The following SAXO3 variants were observed in gnomAD, a reference collection of about 807,000 sequenced individuals.
SAXO3 encodes stabilizer of axonemal microtubules 3, also known as CTB-60B18.10.
chr19:49,018,460 G>T, the SAXO3 span: 1 of 574,076 alleles, frequency 1.7e-6, no homozygotes, highest in East Asian at 3.5e-5. Context: ...GCACCCCTTA[G>T]GAAGGACGCG....
chr19:49,018,572 T>C, the SAXO3 span, among the ~76,000 whole-genome samples: 1 of 152,044 alleles, frequency 6.6e-6, no homozygotes, highest in Non-Finnish European at 1.5e-5. Context: ...TTTCGCTTCC[T>C]TGGGAAGGAG....
chr19:49,019,624 G>C, the SAXO3 span: 2 of 1,250,846 alleles, frequency 1.6e-6, no homozygotes, highest in East Asian at 3.1e-5. Flanking sequence ...CCGTCTCGCC[G>C]GCGCCGGCTT....
chr19:49,019,337 T>C, the SAXO3 span: 1 of 1,184,008 alleles, frequency 8.4e-7, no homozygotes, highest in South Asian at 3.6e-5. Flanking sequence ...GGAGCTGAGC[T>C]GCATCTTGGG....
chr19:49,019,627 G>A, the SAXO3 span: 3 of 1,250,148 alleles, frequency 2.4e-6, no homozygotes, highest in South Asian at 2.7e-5. Context: ...TCTCGCCGGC[G>A]CCGGCTTCCA....
chr19:49,019,050 C>G, the SAXO3 span: 20 of 1,484,762 alleles, frequency 1.3e-5, no homozygotes, highest in African/African-American at 2.8e-5. Context: ...ATTTCATACC[C>G]CATCCCAAGC....
At chr19:49,020,323 T>C in the SAXO3 span, 10 of 417,562 alleles carry the variant, frequency 2.4e-5, no homozygotes, top group Admixed American at 3.8e-4. Context: ...ATTTAGCCCC[T>C]ATCTTTCTGG....
the SAXO3 span, chr19:49,019,373 A>T: frequency 8.1e-7 from 1 of 1,232,690 alleles, no homozygotes; most frequent in Non-Finnish European, 1.0e-6. Flanking sequence ...ACCTCTCCCA[A>T]CTCCCACCTG....
At chr19:49,018,408 T>A in the SAXO3 span, 8 of 950,320 alleles carry the variant, frequency 8.4e-6, no homozygotes, top group Non-Finnish European at 1.1e-5. Context: ...GACCTCGGGA[T>A]CTAAGGAGTC....
chr19:49,018,447 C>A, the SAXO3 span: 20 of 672,990 alleles, frequency 3.0e-5, no homozygotes, highest in Non-Finnish European at 2.1e-6. Context: ...CATTTCCAGG[C>A]GAGCACCCCT....
the SAXO3 span, chr19:49,019,578 C>G: frequency 8.1e-7 from 1 of 1,231,186 alleles, no homozygotes; most frequent in Non-Finnish European, 1.0e-6. Flanking sequence ...AGCCGTGATT[C>G]CTTCTGGCCC....
the SAXO3 span, chr19:49,019,060 C>T: frequency 3.4e-5 from 50 of 1,471,016 alleles, no homozygotes; most frequent in African/African-American, 8.5e-5. Flanking sequence ...CCATCCCAAG[C>T]CCTGGGTCCC....
chr19:49,019,542 C>T, the SAXO3 span: 1 of 1,183,992 alleles, frequency 8.4e-7, no homozygotes, highest in Non-Finnish European at 1.1e-6. Context: ...CGCGATCCCG[C>T]CCCAGACCCT....
At chr19:49,019,882 C>T in the SAXO3 span, 8 of 1,375,104 alleles carry the variant, frequency 5.8e-6, no homozygotes, top group East Asian at 5.2e-5. Flanking sequence ...CTGTCCCCTG[C>T]GGACTCCGGC....
chr19:49,018,400 C>A, the SAXO3 span: 108 of 1,039,702 alleles, frequency 1.0e-4, no homozygotes, highest in African/African-American at 1.7e-3. Flanking sequence ...GAGTTTCAGA[C>A]CTCGGGATCT....
At chr19:49,019,757 C>A in the SAXO3 span, 1 of 1,210,132 alleles carries the variant, frequency 8.3e-7, no homozygotes, top group Non-Finnish European at 1.1e-6. Flanking sequence ...GCCCTCGTCT[C>A]GCTGCTCTGG....
At chr19:49,020,111 T>A in the SAXO3 span, 5 of 1,109,728 alleles carry the variant, frequency 4.5e-6, no homozygotes, top group South Asian at 9.0e-5. Context: ...GACCGTGGAC[T>A]GGAGAGAAGG....
At chr19:49,018,716 AAGGG>A in the SAXO3 span, among the ~76,000 whole-genome samples, 1 of 151,640 alleles carries the variant, frequency 6.6e-6, no homozygotes, top group Non-Finnish European at 1.5e-5. Flanking sequence ...TTAAAAAAAA[AAGGG>A]AGGGGCTGAG....
chr19:49,020,064 G>A, the SAXO3 span: 3 of 1,421,252 alleles, frequency 2.1e-6, 1 homozygote, highest in South Asian at 4.5e-5. Flanking sequence ...GCCCAGTTGT[G>A]AGAATCCTGC....
chr19:49,019,804 C>CT, the SAXO3 span: 2 of 1,244,870 alleles, frequency 1.6e-6, no homozygotes, highest in South Asian at 3.3e-5. Context: ...GCCGCGGTGT[C>CT]TGAGCTGCGG....
Sources: allele counts gnomAD v4.1 joint callset (sites outside exome capture counted in the v4.1 genomes callset), GRCh38; gene constraint gnomAD v4.1.1; transcripts MANE v1.5; gene names NCBI Gene and HGNC (gene_info 2026-07-23, HGNC 2026-07-21).